The following NDRG1 variants were observed in gnomAD, a reference collection of about 807,000 sequenced individuals.
The protein encoded by NDRG1 is protein NDRG1.
NDRG1 carries 32 observed loss-of-function variants against 56.9 expected under a neutral mutation model. That is an observed-to-expected ratio of 0.56 (90% CI 0.42 to 0.76). The LOEUF is 0.76. NDRG1 is among the 30% of genes least tolerant of loss of function. The pLI is 0.00. For missense variants in NDRG1, 507 were observed against 545.7 expected (o/e 0.93, Z 0.71); for synonymous variants, 211 against 204.1 (o/e 1.03, Z -0.29).
intron 3 of NDRG1, among the ~76,000 whole-genome samples, chr8:133,279,076 G>A (rs867641289): frequency 1.4e-4 from 22 of 152,092 alleles, no homozygotes; most frequent in African/African-American, 5.3e-4. Flanking sequence ...TTTTAGTAGA[G>A]ACAGGGTTTC....
intron 10 of NDRG1, chr8:133,249,180 A>G (rs896194373): frequency 2.8e-5 from 9 of 323,652 alleles, no homozygotes; most frequent in Non-Finnish European, 5.4e-5. Flanking sequence ...TGAGTCCTCT[A>G]TAAAGCACCC....
At chr8:133,266,167 G>A (rs1378220991) in intron 3 of NDRG1, among the ~76,000 whole-genome samples, 1 of 152,238 alleles carries the variant, frequency 6.6e-6, no homozygotes, top group Non-Finnish European at 1.5e-5. Flanking sequence ...CAGCACAGAG[G>A]CAGGTCCCCC....
At chr8:133,258,859 C>T in intron 6 of NDRG1, 1 of 525,032 alleles carries the variant, frequency 1.9e-6, no homozygotes, top group Non-Finnish European at 3.4e-6. Context: ...TCAGGCAACT[C>T]CATTCCAGAA....
rs370459888 is a variant in NDRG1, at chr8:133,254,766, C to G, written c.538-171G>C. The G allele has an allele frequency of 2.6e-5, 18 of 685,466 alleles. 1 individual carries two copies. The African/African-American group carries it at 3.0e-4, about 11-fold the overall frequency. The allele number at this position is 685,466 out of a possible 1,614,324, so 42.5% of individuals were successfully genotyped here. A position where few individuals can be genotyped will look rare whatever the true frequency, so the allele number is the denominator to read the frequency against. ...ACTCAGTTCCTGTCTCCAGTTCCCTCCTGGACCTGATCCCCCAAATGCAGG... is the reference window on the plus strand; with the variant it reads ...ACTCAGTTCCTGTCTCCAGTTCCCTGCTGGACCTGATCCCCCAAATGCAGG... On this transcript the variant is annotated intron_variant, in intron 8 of 15. Transcript: ENST00000323851.
chr8:133,281,260 G>C (rs574944730), intron 2 of NDRG1, among the ~76,000 whole-genome samples: 1 of 152,120 alleles, frequency 6.6e-6, no homozygotes, highest in Admixed American at 6.5e-5. Context: ...GGGAGGCTAA[G>C]GCAGGAGAAT....
At chr8:133,241,959 G>A (rs1438083535) in intron 15 of NDRG1, 64 bp downstream of exon 15, 2 of 1,586,662 alleles carry the variant, frequency 1.3e-6, no homozygotes, top group African/African-American at 2.7e-5. Context: ...CCTGGCTCAG[G>A]ACAGAGCACT....
chr8:133,239,864 G>A (rs535670371), intron 15 of NDRG1: 18 of 152,754 alleles, frequency 1.2e-4, no homozygotes, highest in African/African-American at 4.3e-4. Flanking sequence ...TTGGAAATAG[G>A]GTCTTTGCAT....
At chr8:133,262,306 C>A (rs551371190) in intron 4 of NDRG1, 139 bp from the exon 5 acceptor site, 14 of 1,178,334 alleles carry the variant, frequency 1.2e-5, no homozygotes, top group Non-Finnish European at 1.6e-5. Flanking sequence ...CAGATGTTGG[C>A]GTTTTTTGTT....
intron 3 of NDRG1, among the ~76,000 whole-genome samples, chr8:133,267,627 C>T (rs958542270): frequency 2.0e-5 from 3 of 152,236 alleles, no homozygotes; most frequent in African/African-American, 7.2e-5. Context: ...ACTGTGGGAA[C>T]AAAGGTCCAT....
At position 133,256,879 on chromosome 8, in the gene NDRG1, C is replaced by CAA. The variant is rs1229687680; in HGVS notation, c.451-18_451-17dup. On this transcript the variant is annotated splice_polypyrimidine_tract_variant and intron_variant, in intron 7 of 15. Coordinates refer to ENST00000323851, the MANE Select transcript of NDRG1 (RefSeq NM_006096.4). Reference sequence around the variant, plus strand: ...GGTTGTTTAGCTGCAATTCAAGACACAAAGTGAGACAGACATCCCAGCAAT... The same window carrying CAA: ...GGTTGTTTAGCTGCAATTCAAGACACAAAAAGTGAGACAGACATCCCAGCAAT... 1 of 1,610,442 alleles carries CAA rather than the reference C, an allele frequency of 6.2e-7. No homozygotes were observed. Among genetic ancestry groups the CAA allele is most frequent in the Non-Finnish European group, 8.5e-7 (1 of 1,176,920 alleles).
rs2130727456 is a variant in NDRG1, at chr8:133,259,206, C to T, written c.351G>A (p.Gln117=). Residue 117 remains glutamine (Q), a synonymous_variant, in exon 6 of 16, where the codon CAG becomes CAA. Coordinates refer to ENST00000323851, the MANE Select transcript of NDRG1 (RefSeq NM_006096.4). ...PAGYMYPSMD[Q]LAEMLPGVLQ... is the part of the protein sequence containing the mutation. ...GGACTCCAGGAAGCATTTCAGCCAG[C>T]TGATCCATGGAGGGGTACATGTACC... The T allele has an allele frequency of 6.2e-7, 1 of 1,614,216 alleles. No homozygotes were observed.
At chr8:133,244,736 C>G (rs1191883083) in intron 13 of NDRG1, 1 of 462,786 alleles carries the variant, frequency 2.2e-6, no homozygotes, top group African/African-American at 2.0e-5. Flanking sequence ...TCGCAAGGTT[C>G]CAGGCCAGGA....
chr8:133,273,825 C>G (rs1030583450), intron 3 of NDRG1, among the ~76,000 whole-genome samples: 1 of 152,154 alleles, frequency 6.6e-6, no homozygotes, highest in Non-Finnish European at 1.5e-5. Context: ...TTCCACAAAG[C>G]TCTCCAACTG....
At chr8:133,258,130 G>A (rs964639352) in intron 7 of NDRG1, among the ~76,000 whole-genome samples, 2 of 152,092 alleles carry the variant, frequency 1.3e-5, no homozygotes, top group African/African-American at 2.4e-5. Flanking sequence ...ATGGCTAAGC[G>A]GACAAAGCCC....
intron 6 of NDRG1, 31 bp downstream of exon 6, chr8:133,259,135 CAG>C (rs1563624678): frequency 6.3e-7 from 1 of 1,598,636 alleles, no homozygotes; most frequent in Admixed American, 1.7e-5. Flanking sequence ...GGCTTCTCTG[CAG>C]ACAGAGAAGG....
intron 4 of NDRG1, among the ~76,000 whole-genome samples, chr8:133,263,070 T>C (rs182528510): frequency 1.1e-4 from 16 of 152,352 alleles, no homozygotes; most frequent in Middle Eastern, 3.4e-3. Flanking sequence ...AAGCCTATTA[T>C]AAACCAACAA....
chr8:133,271,549 G>A (rs1857185098), intron 3 of NDRG1, among the ~76,000 whole-genome samples: 2 of 152,022 alleles, frequency 1.3e-5, no homozygotes, highest in Non-Finnish European at 1.5e-5. Flanking sequence ...CATAGGCTAG[G>A]TGTGATGGCT....
rs1333361653 is a variant in NDRG1 at position 133,262,042 on chromosome 8, C to T, written c.326+5G>A. On this transcript the variant is annotated splice_donor_5th_base_variant and intron_variant, in intron 5 of 15. Coordinates refer to ENST00000323851, the MANE Select transcript of NDRG1 (RefSeq NM_006096.4). Reference sequence around the variant, plus strand: ...GTAGAGCTCATAGGGCAAGAGGCCTCTCACCCTGCGGGGAAGGAGGCTGCG... The same window carrying T: ...GTAGAGCTCATAGGGCAAGAGGCCTTTCACCCTGCGGGGAAGGAGGCTGCG... 6.2e-7 allele frequency: 1 copy of T among 1,609,780 alleles called. No homozygotes were observed. The highest frequency in any genetic ancestry group is 1.1e-5 in the South Asian group (1 of 90,830).
At position 133,238,904 on chromosome 8, in the gene NDRG1, GC is replaced by G; in HGVS notation, c.1158del (p.Lys388SerfsTer89). 1 of 1,557,520 alleles carries G rather than the reference GC, an allele frequency of 6.4e-7. No individual in the cohort carries two copies. The highest frequency in any genetic ancestry group is 8.7e-7 in the Non-Finnish European group (1 of 1,151,412). On this transcript the variant is annotated frameshift_variant, in exon 16 of 16. Coordinates refer to ENST00000323851, the MANE Select transcript of NDRG1 (RefSeq NM_006096.4). LOFTEE classifies it high-confidence loss of function. ...TAGCAGGAGACCTCCATGGACTTGG[GC>G]CCGGCGCTGTTCCCAGCAGCACCCG... ...PNSGAAGNSA[G>X]PKSMEVSC
Sources: allele counts gnomAD v4.1 joint callset (sites outside exome capture counted in the v4.1 genomes callset), GRCh38; gene constraint gnomAD v4.1.1; transcripts MANE v1.5; gene names NCBI Gene and HGNC (gene_info 2026-07-23, HGNC 2026-07-21).